The following NELL1 variants were observed in gnomAD, a reference collection of about 807,000 sequenced individuals.
NELL1 encodes neural EGFL like 1, also known as protein kinase C-binding protein NELL1.
Under a neutral mutation model 107.4 loss-of-function variants are expected in NELL1, and 76 were observed. The ratio of observed to expected loss-of-function variants is 0.71; its 90% CI spans 0.59 to 0.86. The LOEUF (loss-of-function observed/expected upper bound fraction) is 0.86. Ranked by LOEUF, NELL1 falls within the 40% of genes least tolerant of loss-of-function variation. The pLI is 0.00. For missense variants in NELL1, 1,024 were observed against 1,005.5 expected (o/e 1.02, Z -0.25); for synonymous variants, 353 against 341.2 (o/e 1.03, Z -0.38).
At position 20,691,829 on chromosome 11, in the gene NELL1, CT is replaced by C. The variant is rs575439164; in HGVS notation, c.184+13770del. On this transcript the variant is annotated intron_variant, in intron 2 of 19. Coordinates refer to ENST00000357134, the MANE Select transcript of NELL1 (RefSeq NM_006157.5). ...GAGTTAGGGAGGATTCCCTCTTTTT[CT>C]ATTGATTGGAATAGTTTCAGAAGGA... 1.3e-3 allele frequency among the ~76,000 whole-genome samples: 197 copies of C among 152,118 alleles called. 5 individuals are homozygous for C. In the East Asian group the frequency reaches 0.032, roughly 25 times the overall value.
intron 11 of NELL1, among the ~76,000 whole-genome samples, chr11:20,957,066 G>C (rs952696): frequency 1.3e-5 from 2 of 151,890 alleles, no homozygotes; most frequent in Non-Finnish European, 2.9e-5. Context: ...TGGAGTTGAC[G>C]TTTGCCCTGA....
At chr11:21,384,879 T>C (rs1361118944) in intron 15 of NELL1, among the ~76,000 whole-genome samples, 1 of 151,976 alleles carries the variant, frequency 6.6e-6, no homozygotes, top group Non-Finnish European at 1.5e-5. Context: ...CAATGTCTTC[T>C]TCATTTTCAT....
chr11:21,495,980 A>T (rs985136388), intron 15 of NELL1, among the ~76,000 whole-genome samples: 1 of 152,092 alleles, frequency 6.6e-6, no homozygotes, highest in Non-Finnish European at 1.5e-5. Flanking sequence ...CACTTTAAAA[A>T]TAATTTAGAA....
intron 12 of NELL1, among the ~76,000 whole-genome samples, chr11:21,050,758 T>C (rs1853472812): frequency 2.0e-5 from 3 of 152,280 alleles, no homozygotes; most frequent in Middle Eastern, 3.4e-3. Context: ...ATCTGTATAG[T>C]AAGGAGGTTA....
At chr11:21,574,033 A>C (rs1202549290) in intron 19 of NELL1, among the ~76,000 whole-genome samples, 1 of 151,838 alleles carries the variant, frequency 6.6e-6, no homozygotes, top group Non-Finnish European at 1.5e-5. Flanking sequence ...AGACTAAAAA[A>C]CTGACCATTC....
chr11:21,446,394 CTG>C (rs145323588), intron 15 of NELL1, among the ~76,000 whole-genome samples: 4,385 of 152,086 alleles, frequency 0.029, 217 homozygotes, highest in African/African-American at 0.098. Context: ...CCATTTTATG[CTG>C]TGTGTGTTCA....
intron 15 of NELL1, among the ~76,000 whole-genome samples, chr11:21,489,598 A>T (rs1443079416): frequency 6.6e-6 from 1 of 152,044 alleles, no homozygotes; most frequent in Non-Finnish European, 1.5e-5. Flanking sequence ...AAAATACACC[A>T]TGACCAAGTG....
intron 13 of NELL1, among the ~76,000 whole-genome samples, chr11:21,223,098 G>A (rs979217542): frequency 3.3e-5 from 5 of 151,956 alleles, no homozygotes; most frequent in African/African-American, 9.7e-5. Flanking sequence ...TTTTGTTGAT[G>A]TTCTGTCTAG....
In NELL1 at chr11:21,162,392, G is replaced by A. The variant is rs971669046; in HGVS notation, c.1426+48678G>A. ...TGGGATTGAGTGCCTCTCAGTATAA[G>A]TGGGAGAAACAAGAGGTCAGGAAAT... On this transcript the variant is annotated intron_variant, in intron 13 of 19. Coordinates refer to ENST00000357134, the MANE Select transcript of NELL1 (RefSeq NM_006157.5). 3.3e-5 allele frequency among the ~76,000 whole-genome samples: 5 copies of A among 152,152 alleles called. No individual in the cohort carries two copies. In the South Asian group the frequency reaches 6.2e-4, roughly 19 times the overall value.
chr11:21,404,407 T>C (rs892035666), intron 15 of NELL1, among the ~76,000 whole-genome samples: 1 of 151,932 alleles, frequency 6.6e-6, no homozygotes, highest in Admixed American at 6.6e-5. Context: ...TTAGAGTATG[T>C]GGCCCATAAG....
At chr11:21,490,590 G>A (rs55779443) in intron 15 of NELL1, among the ~76,000 whole-genome samples, 3,846 of 151,728 alleles carry the variant, frequency 0.025, 172 homozygotes, top group African/African-American at 0.086. Flanking sequence ...TGGTTTTGTT[G>A]TAAACACAGA....
At chr11:20,787,483 A>G (rs1157734972) in intron 3 of NELL1, among the ~76,000 whole-genome samples, 1 of 152,214 alleles carries the variant, frequency 6.6e-6, no homozygotes, top group African/African-American at 2.4e-5. Context: ...GGAGCAAATT[A>G]TCCTGTAGAA....
At chr11:21,337,511 G>C (rs1480822834) in intron 14 of NELL1, among the ~76,000 whole-genome samples, 1 of 152,214 alleles carries the variant, frequency 6.6e-6, no homozygotes, top group Admixed American at 6.5e-5. Context: ...AAGAAGGCTA[G>C]ACAGCATACA....
chr11:21,254,942 C>T (rs1858731790), intron 14 of NELL1, among the ~76,000 whole-genome samples: 1 of 152,090 alleles, frequency 6.6e-6, no homozygotes, highest in South Asian at 2.1e-4. Context: ...GAAGCATATT[C>T]TTTCACCTTT....
At chr11:20,886,286 A>G (rs1357526380) in intron 5 of NELL1, among the ~76,000 whole-genome samples, 2 of 152,176 alleles carry the variant, frequency 1.3e-5, no homozygotes, top group African/African-American at 4.8e-5. Context: ...ATTATACTTC[A>G]CAGAAACATA....
chr11:20,760,324 G>T (rs1199481781), intron 2 of NELL1, among the ~76,000 whole-genome samples: 2 of 152,186 alleles, frequency 1.3e-5, no homozygotes, highest in East Asian at 3.8e-4. Flanking sequence ...TCATCCTTTT[G>T]GTTGACTTAA....
chr11:20,955,327 G>A (rs1480447588), intron 11 of NELL1, among the ~76,000 whole-genome samples: 1 of 152,248 alleles, frequency 6.6e-6, no homozygotes, highest in East Asian at 1.9e-4. Context: ...ACTCATCTAG[G>A]CCTATGCATC....
At chr11:21,452,375 T>A (rs955774258) in intron 15 of NELL1, among the ~76,000 whole-genome samples, 12 of 152,176 alleles carry the variant, frequency 7.9e-5, no homozygotes, top group Non-Finnish European at 1.0e-4. Context: ...TTTCTTTTGA[T>A]AAGAAGTTGA....
chr11:20,708,170 G>A (rs1213568545), intron 2 of NELL1, among the ~76,000 whole-genome samples: 2 of 152,234 alleles, frequency 1.3e-5, no homozygotes, highest in African/African-American at 4.8e-5. Context: ...ATCTCCTAAT[G>A]TGCTTCTTGC....
Sources: gnomAD v4.1 joint callset for allele counts (sites outside exome capture counted in the v4.1 genomes callset) on GRCh38, gnomAD v4.1.1 for gene constraint, MANE v1.5 for transcripts, NCBI Gene and HGNC (gene_info 2026-07-23, HGNC 2026-07-21) for gene names.